Variants in SLC25A48 observed in about 807,000 individuals in gnomAD.
The protein encoded by SLC25A48 is CTC-321K16.1.
In SLC25A48, 29 loss-of-function variants were observed where a neutral mutation model predicts 32.2. That is an observed-to-expected ratio of 0.90 (90% confidence interval 0.67 to 1.23). The LOEUF (loss-of-function observed/expected upper bound fraction) is 1.23, where lower values mean the gene tolerates loss of function less well. SLC25A48 is among the 50% of genes most tolerant of loss of function. The probability of loss-of-function intolerance (pLI) is 0.00; values close to 1 mark genes in which losing one functional copy is unlikely to be tolerated. For missense variants in SLC25A48, 399 were observed against 422.7 expected (o/e 0.94, Z 0.49); for synonymous variants, 164 against 172.3 (o/e 0.95, Z 0.38).
chr5:135,789,735 A>AG (rs35879819), intron 3 of SLC25A48, among the ~76,000 whole-genome samples: 98,295 of 151,416 alleles, frequency 0.65, 34,051 homozygotes, highest in Non-Finnish European at 0.77. Flanking sequence ...CTTAATATTA[A>AG]GGGGGGATAG....
chr5:135,665,518 GA>G (rs1356763611), intron 3 of SLC25A48, among the ~76,000 whole-genome samples: 2 of 151,974 alleles, frequency 1.3e-5, no homozygotes, highest in African/African-American at 4.8e-5. Flanking sequence ...CCAATGTCCA[GA>G]ATAGTTTTTC....
rs537615739 is a variant in SLC25A48 at position 135,675,798 on chromosome 5, G to T, written c.-521+40842G>T. On this transcript the variant is annotated intron_variant, in intron 3 of 10. Coordinates refer to the SLC25A48 transcript ENST00000646290. ...TCTGTAGATTGCTTTGGGCAATATG[G>T]TCATTTTAATGATATTAATTCTTCT... 2.4e-4 allele frequency among the ~76,000 whole-genome samples: 36 copies of T among 152,122 alleles called. 1 individual carries two copies. Among genetic ancestry groups the T allele is most frequent in the Middle Eastern group, 3.4e-3 (1 of 294 alleles).
At chr5:135,634,030 C>T (rs960331972) in intron 2 of SLC25A48, among the ~76,000 whole-genome samples, 1 of 152,152 alleles carries the variant, frequency 6.6e-6, no homozygotes, top group Admixed American at 6.5e-5. Context: ...TGGGCAAGGC[C>T]GAGTGCATTC....
At chr5:135,712,060 G>A (rs1018503744) in intron 3 of SLC25A48, among the ~76,000 whole-genome samples, 35 of 152,194 alleles carry the variant, frequency 2.3e-4, no homozygotes, top group African/African-American at 5.3e-4. Context: ...CTGAATTGTC[G>A]ATGATTTTCT....
chr5:135,836,752 A>G (rs970596339), intron 1 of SLC25A48, among the ~76,000 whole-genome samples: 13 of 152,134 alleles, frequency 8.5e-5, no homozygotes, highest in African/African-American at 2.9e-4. Context: ...AACAACCCCA[A>G]AGAGGTAGGT....
chr5:135,831,316 T>C (rs1758200817), upstream of SLC25A48, among the ~76,000 whole-genome samples: 1 of 152,234 alleles, frequency 6.6e-6, no homozygotes, highest in Admixed American at 6.5e-5. Flanking sequence ...TCTCCTCATT[T>C]AAGGCCCAGC....
intron 3 of SLC25A48, among the ~76,000 whole-genome samples, chr5:135,696,725 T>C (rs1207823706): frequency 6.6e-6 from 1 of 152,158 alleles, no homozygotes; most frequent in East Asian, 1.9e-4. Context: ...ATTCACTCAT[T>C]CCCTGTACAC....
chr5:135,589,409 T>C (rs17168697), intron 1 of SLC25A48, among the ~76,000 whole-genome samples: 66,656 of 152,008 alleles, frequency 0.44, 14,895 homozygotes, highest in African/African-American at 0.53. Flanking sequence ...CCCTGATAGG[T>C]GGCTGGGCTG....
At chr5:135,758,087 T>A (rs1403047191) in intron 3 of SLC25A48, among the ~76,000 whole-genome samples, 1 of 150,744 alleles carries the variant, frequency 6.6e-6, no homozygotes, top group East Asian at 2.0e-4. Context: ...TAACACACGA[T>A]GATATTAATA....
In SLC25A48 at chr5:135,783,871, C is replaced by A. The variant is rs796639147; in HGVS notation, c.-520-28652C>A. 1.9e-4 allele frequency among the ~76,000 whole-genome samples: 23 copies of A among 118,194 alleles called. 2 individuals are homozygous for A. The highest frequency in any genetic ancestry group is 5.1e-4 in the African/African-American group (20 of 38,856). 77.5% of individuals were successfully genotyped at this position (118,194 alleles called of 152,430 possible). ...GAGCGAACACTTTCCCTGTAATATT[C>A]TTCTTGGTATTCAGGTGGGGAGAAA... On this transcript the variant is annotated intron_variant, in intron 3 of 10. Coordinates refer to the SLC25A48 transcript ENST00000646290.
intron 1 of SLC25A48, among the ~76,000 whole-genome samples, chr5:135,614,539 T>C (rs1466095710): frequency 1.3e-5 from 2 of 152,322 alleles, no homozygotes; most frequent in African/African-American, 2.4e-5. Flanking sequence ...ATGACCTTTA[T>C]TATGTTGAGT....
intron 7 of SLC25A48, among the ~76,000 whole-genome samples, chr5:135,886,693 A>AGT (rs1561568015): frequency 2.9e-5 from 4 of 138,890 alleles, no homozygotes; most frequent in Non-Finnish European, 4.6e-5. Context: ...AGAGAGAGAG[A>AGT]GAGAGAGAGT....
At chr5:135,680,371 T>C (rs150703074) in intron 3 of SLC25A48, among the ~76,000 whole-genome samples, 2 of 152,370 alleles carry the variant, frequency 1.3e-5, no homozygotes, top group African/African-American at 4.8e-5. Flanking sequence ...ACTTGCTAAT[T>C]TCCACCCCCA....
chr5:135,742,587 T>A, intron 3 of SLC25A48: 1 of 1,127,528 alleles, frequency 8.9e-7, no homozygotes, highest in Non-Finnish European at 1.3e-6. Context: ...ATTTCCTCTA[T>A]AGCTGCAAAG....
chr5:135,751,511 A>G (rs371485596), intron 3 of SLC25A48, among the ~76,000 whole-genome samples: 7 of 152,140 alleles, frequency 4.6e-5, no homozygotes, highest in African/African-American at 1.7e-4. Flanking sequence ...TAGAAATGAC[A>G]CCTATCTGCC....
At chr5:135,847,159 A>G (rs796559195) in intron 2 of SLC25A48, among the ~76,000 whole-genome samples, 12 of 152,334 alleles carry the variant, frequency 7.9e-5, no homozygotes, top group African/African-American at 2.2e-4. Flanking sequence ...AACTAAAAGC[A>G]CTGAAGCTGG....
At chr5:135,837,060 C>T (rs1712761094) in intron 1 of SLC25A48, among the ~76,000 whole-genome samples, 1 of 130,044 alleles carries the variant, frequency 7.7e-6, no homozygotes, top group South Asian at 2.3e-4. Flanking sequence ...CTTATAATCC[C>T]ATTTTTTTAA....
chr5:135,886,638 A>ATATAAAT (rs1169881576), intron 7 of SLC25A48, among the ~76,000 whole-genome samples: 1 of 29,042 alleles, frequency 3.4e-5, no homozygotes, highest in Non-Finnish European at 6.1e-5. Flanking sequence ...TATATATATA[A>ATATAAAT]AATATATATA....
At chr5:135,864,035 T>C (rs904136043) in intron 4 of SLC25A48, among the ~76,000 whole-genome samples, 3 of 152,124 alleles carry the variant, frequency 2.0e-5, no homozygotes, top group African/African-American at 7.2e-5. Context: ...TAGAAAGGAA[T>C]CAGAGTGGGG....
Sources: gnomAD v4.1 joint callset for allele counts (sites outside exome capture counted in the v4.1 genomes callset) on GRCh38, gnomAD v4.1.1 for gene constraint, MANE v1.5 for transcripts, NCBI Gene and HGNC (gene_info 2026-07-23, HGNC 2026-07-21) for gene names.